KCNAB1: variants seen among roughly 807,000 people sequenced by gnomAD.
KCNAB1 encodes voltage-gated potassium channel subunit beta-1.
A neutral mutation model predicts 64.6 loss-of-function variants in KCNAB1; 35 were observed. That is an observed-to-expected ratio of 0.54 (90% CI 0.41 to 0.72). The LOEUF (loss-of-function observed/expected upper bound fraction) is 0.72, where lower values mean the gene tolerates loss of function less well. KCNAB1 is among the 30% of genes least tolerant of loss of function. KCNAB1 has a pLI of 0.00. For synonymous variants in KCNAB1, 177 were observed against 183.8 expected (o/e 0.96, Z 0.30); for missense variants, 401 against 512.9 (o/e 0.78, Z 2.11).
Position 156,272,091 on chromosome 3 carries a change from G to T in KCNAB1, c.276-149525G>T, listed in dbSNP as rs753474646. ...CTCTCTGTGTGAGCTGTGTGGAGCT[G>T]GGGGAGGAGTGACACCAGCACCCCC... is the stretch of plus-strand genomic sequence containing the variant. On this transcript the variant is annotated intron_variant, in intron 1 of 13. Transcript: ENST00000490337. Among the ~76,000 whole-genome samples the T allele has an allele frequency of 6.6e-5, 10 of 152,194 alleles. No homozygotes were observed. In the South Asian group the frequency reaches 1.0e-3, roughly 16 times the overall value.
chr3:156,186,160 G>A (rs1056926274), intron 1 of KCNAB1, among the ~76,000 whole-genome samples: 3 of 152,142 alleles, frequency 2.0e-5, no homozygotes, highest in Non-Finnish European at 4.4e-5. Flanking sequence ...TTTTCTTGAA[G>A]GCTTCAGTTC....
chr3:156,419,859 C>T (rs1328845693), intron 1 of KCNAB1, among the ~76,000 whole-genome samples: 1 of 152,206 alleles, frequency 6.6e-6, no homozygotes, highest in Non-Finnish European at 1.5e-5. Flanking sequence ...AAAAAATTCT[C>T]CCTACAATAT....
rs73017903 is a variant in KCNAB1 at position 156,360,573 on chromosome 3, G to T, written c.276-61043G>T. Among the ~76,000 whole-genome samples the T allele has an allele frequency of 5.7e-4, 86 of 152,092 alleles. 1 individual carries two copies. Among genetic ancestry groups the T allele is most frequent in the African/African-American group, 2.0e-3 (84 of 41,502 alleles). On this transcript the variant is annotated intron_variant, in intron 1 of 13. Coordinates refer to ENST00000490337, the MANE Select transcript of KCNAB1 (RefSeq NM_172160.3). ...AAAATAAAAATAAAAAATTAGCTAG[G>T]CATGGTAACATTTGCCTGTAGTCCT...
intron 1 of KCNAB1, among the ~76,000 whole-genome samples, chr3:156,162,510 G>A (rs986353323): frequency 8.5e-5 from 13 of 152,088 alleles, no homozygotes; most frequent in Admixed American, 6.5e-4. Flanking sequence ...TTCATTGTAT[G>A]TTCAGCTGTA....
At chr3:156,359,083 C>A (rs1725439009) in intron 1 of KCNAB1, among the ~76,000 whole-genome samples, 1 of 152,148 alleles carries the variant, frequency 6.6e-6, no homozygotes, top group Non-Finnish European at 1.5e-5. Context: ...TGCCTCACAG[C>A]ACCATTCTAG....
chr3:156,121,057 T>C (rs772936302), intron 1 of KCNAB1, among the ~76,000 whole-genome samples, 171 bp downstream of exon 1: 14 of 152,176 alleles, frequency 9.2e-5, no homozygotes, highest in Non-Finnish European at 1.9e-4. Flanking sequence ...TTGGTGCAAA[T>C]GGCAAATAAT....
chr3:156,370,432 G>A (rs1726227763), intron 1 of KCNAB1, among the ~76,000 whole-genome samples: 6 of 152,190 alleles, frequency 3.9e-5, no homozygotes, highest in Admixed American at 3.9e-4. Context: ...TTAGCACTAA[G>A]TGAAATAATC....
At chr3:156,353,756 C>T (rs1032618791) in intron 1 of KCNAB1, among the ~76,000 whole-genome samples, 2 of 152,232 alleles carry the variant, frequency 1.3e-5, no homozygotes, top group South Asian at 4.1e-4. Flanking sequence ...AGGCTGGCTT[C>T]CCGCAGGGTG....
intron 1 of KCNAB1, among the ~76,000 whole-genome samples, chr3:156,230,192 A>C (rs1027561040): frequency 4.6e-5 from 7 of 152,218 alleles, no homozygotes; most frequent in Non-Finnish European, 1.0e-4. Context: ...CAATACAGTC[A>C]TGTACCACAT....
intron 1 of KCNAB1, among the ~76,000 whole-genome samples, chr3:156,388,312 T>C (rs1712767068): frequency 1.3e-5 from 2 of 152,174 alleles, no homozygotes; most frequent in Admixed American, 1.3e-4. Context: ...GAAATTAGGT[T>C]CAGAGTTCCT....
intron 1 of KCNAB1, among the ~76,000 whole-genome samples, chr3:156,387,470 A>T (rs1030927969): frequency 6.6e-6 from 1 of 152,186 alleles, no homozygotes; most frequent in Non-Finnish European, 1.5e-5. Flanking sequence ...GGCATTTCCC[A>T]TTATTTAGTA....
At chr3:156,357,669 A>C (rs960756028) in intron 1 of KCNAB1, among the ~76,000 whole-genome samples, 1 of 152,028 alleles carries the variant, frequency 6.6e-6, no homozygotes, top group Non-Finnish European at 1.5e-5. Context: ...AGGTGAAATT[A>C]ATTTTAATAA....
chr3:156,312,118 G>A (rs761440748), intron 1 of KCNAB1, among the ~76,000 whole-genome samples: 2 of 152,206 alleles, frequency 1.3e-5, no homozygotes, highest in Non-Finnish European at 2.9e-5. Flanking sequence ...CTATTAGAAC[G>A]AGCAGAGCTT....
intron 1 of KCNAB1, among the ~76,000 whole-genome samples, chr3:156,134,716 A>C (rs1714202480): frequency 6.6e-6 from 1 of 152,270 alleles, no homozygotes; most frequent in Non-Finnish European, 1.5e-5. Context: ...TATAGAACAC[A>C]ATATTTCAAA....
chr3:156,124,361 T>G (rs138645055), intron 1 of KCNAB1, among the ~76,000 whole-genome samples: 1 of 151,696 alleles, frequency 6.6e-6, no homozygotes, highest in Non-Finnish European at 1.5e-5. Context: ...GGATTACAGG[T>G]GGGTGCCATT....
Position 156,508,721 on chromosome 3 carries a change from C to T in KCNAB1, c.659-5643C>T, listed in dbSNP as rs1716980622. ...ATTTCACAACATCCATATCATTTCT[C>T]ACTTTACAGAAGGAAATTGAGTACT... On this transcript the variant is annotated intron_variant, in intron 8 of 13. Transcript: ENST00000490337. The surrounding 1 kb of genome is among the most constrained non-coding windows in gnomAD (Gnocchi z 4.1). 6.6e-6 allele frequency among the ~76,000 whole-genome samples: 1 copy of T among 152,184 alleles called. No homozygotes were observed. The highest frequency in any genetic ancestry group is 6.5e-5 in the Admixed American group (1 of 15,276).
chr3:156,167,829 C>A (rs1464288480), intron 1 of KCNAB1, among the ~76,000 whole-genome samples: 1 of 152,178 alleles, frequency 6.6e-6, no homozygotes, highest in Non-Finnish European at 1.5e-5. Context: ...TTATTTGGGG[C>A]ACAGCCTCTT....
chr3:156,243,702 A>G (rs755684433), intron 1 of KCNAB1, among the ~76,000 whole-genome samples: 4 of 152,250 alleles, frequency 2.6e-5, no homozygotes, highest in Non-Finnish European at 5.9e-5. Context: ...TCTATTTAAG[A>G]TTAGGAATTG....
At chr3:156,352,485 A>T (rs563405619) in intron 1 of KCNAB1, among the ~76,000 whole-genome samples, 2 of 152,330 alleles carry the variant, frequency 1.3e-5, no homozygotes, top group South Asian at 4.1e-4. Context: ...GTCCTCACAG[A>T]GCTCACACAG....
Sources: allele counts gnomAD v4.1 joint callset (sites outside exome capture counted in the v4.1 genomes callset), GRCh38; gene constraint gnomAD v4.1.1; non-coding constraint Gnocchi (gnomAD v3.1); transcripts MANE v1.5; gene names NCBI Gene and HGNC (gene_info 2026-07-23, HGNC 2026-07-21).